The following VWA2 variants were observed in gnomAD, a reference collection of about 807,000 sequenced individuals.
VWA2 encodes the protein von Willebrand factor A domain-containing protein 2.
VWA2 carries 73 observed loss-of-function variants against 70.4 expected under a neutral mutation model. The observed-to-expected ratio is 1.04, with a 90% CI of 0.86 to 1.26. The LOEUF (loss-of-function observed/expected upper bound fraction) is 1.26, where lower values mean the gene tolerates loss of function less well. Ranked by LOEUF, VWA2 falls within the 50% of genes most tolerant of loss-of-function variation. The pLI, the probability that VWA2 is intolerant of heterozygous loss-of-function variation, is 0.00. For synonymous variants in VWA2, 407 were observed against 423.3 expected (o/e 0.96, Z 0.47); for missense variants, 1,011 against 998.5 (o/e 1.01, Z -0.17).
chr10:114,281,436 G>A (rs2038107885), intron 8 of VWA2, among the ~76,000 whole-genome samples: 1 of 152,200 alleles, frequency 6.6e-6, no homozygotes, highest in Admixed American at 6.5e-5. Flanking sequence ...GTAATTATGT[G>A]ACCTCAGGGG....
chr10:114,293,502 T>C lies in VWA2; in HGVS notation c.*2265T>C, dbSNP rs547596219. 1.1e-4 allele frequency among the ~76,000 whole-genome samples: 16 copies of C among 152,340 alleles called. No individual in the cohort carries two copies. In the South Asian group the frequency reaches 3.3e-3, roughly 32 times the overall value. ...CTTTGAAACATTTTTTCCCCTTTTG[T>C]AGTGACAGTGCCACTAAATAGTTCA... On this transcript the variant is annotated 3_prime_UTR_variant, in exon 14 of 14. Coordinates refer to ENST00000392982, the MANE Select transcript of VWA2 (RefSeq NM_001272046.2).
chr10:114,273,035 G>A lies in VWA2; in HGVS notation c.566+101G>A, dbSNP rs1049711497. The A allele has an allele frequency of 5.1e-5, 51 of 999,128 alleles. No homozygotes were observed. In the Admixed American group the frequency reaches 1.5e-3, roughly 30 times the overall value. 61.9% of individuals were successfully genotyped at this position (999,128 alleles called of 1,614,324 possible). On this transcript the variant is annotated intron_variant, in intron 6 of 13. Coordinates refer to ENST00000392982, the MANE Select transcript of VWA2 (RefSeq NM_001272046.2). Reference sequence around the variant, plus strand: ...GGAGGGGACTGGAAGAGCCGTCCAGGTCCTTCCCTGGATCTGTCTTTTCCT... The same window carrying A: ...GGAGGGGACTGGAAGAGCCGTCCAGATCCTTCCCTGGATCTGTCTTTTCCT...
At position 114,266,158 on chromosome 10, in the gene VWA2, G is replaced by A. The variant is rs192156726; in HGVS notation, c.371+4863G>A. On this transcript the variant is annotated intron_variant, in intron 5 of 13. Coordinates refer to ENST00000392982, the MANE Select transcript of VWA2 (RefSeq NM_001272046.2). Reference sequence around the variant, plus strand: ...TAAAAATACAAAAAATTAGCCGGGCGTGGTGGCGGGCGCCTGTAGTCCCAG... The same window carrying A: ...TAAAAATACAAAAAATTAGCCGGGCATGGTGGCGGGCGCCTGTAGTCCCAG... Among the ~76,000 whole-genome samples, 874 of 152,046 alleles carry A rather than the reference G, an allele frequency of 5.7e-3. 8 individuals are homozygous for A. Among genetic ancestry groups the A allele is most frequent in the African/African-American group, 0.02 (832 of 41,456 alleles).
intron 8 of VWA2, chr10:114,281,348 G>A (rs1028580391): frequency 3.9e-5 from 6 of 152,288 alleles, no homozygotes; most frequent in East Asian, 1.9e-4. Flanking sequence ...CAGGAGAGGC[G>A]AGGGTGAGGC....
intron 1 of VWA2, chr10:114,246,531 AT>A (rs1389585899): frequency 6.2e-6 from 5 of 803,036 alleles, no homozygotes; most frequent in Non-Finnish European, 8.1e-6. Context: ...AAAAACGAGT[AT>A]CATGGGTTGA....
At chr10:114,288,617 G>C (rs951948340) in intron 11 of VWA2, among the ~76,000 whole-genome samples, 19 of 152,358 alleles carry the variant, frequency 1.2e-4, no homozygotes, top group African/African-American at 4.6e-4. Flanking sequence ...CAGCAGGAAG[G>C]GGGAGAGGGG....
At chr10:114,286,865 C>A (rs1196579648) in intron 11 of VWA2, among the ~76,000 whole-genome samples, 1 of 152,216 alleles carries the variant, frequency 6.6e-6, no homozygotes, top group Non-Finnish European at 1.5e-5. Context: ...GGCTCCAGAG[C>A]AGCAGCTTCC....
intron 12 of VWA2, chr10:114,289,822 A>G (rs1355786394): frequency 5.2e-6 from 2 of 386,894 alleles, no homozygotes. Context: ...TGACTTGGGC[A>G]GTGACAGAGC....
At position 114,278,781 on chromosome 10, in the gene VWA2, G is replaced by A. The variant is rs746456782; in HGVS notation, c.763G>A (p.Gly255Ser). 9 of 1,613,756 alleles carry A rather than the reference G, an allele frequency of 5.6e-6. No homozygotes were observed. In the East Asian group the frequency reaches 2.0e-4, roughly 36 times the overall value. Reference sequence around the variant, plus strand: ...GCTGGAGATGGTCCGGGAGTTCGCTGGCAATGCCCCATGCTGGAGAGGATC... The same window carrying A: ...GCTGGAGATGGTCCGGGAGTTCGCTAGCAATGCCCCATGCTGGAGAGGATC... Reference protein sequence around the residue: ...RTLEMVREFAGNAPCWRGSRR... With the variant: ...RTLEMVREFASNAPCWRGSRR... Residue 255 changes from glycine (G) to serine (S), a missense_variant, in exon 8 of 14, where the codon GGC becomes AGC. Gly to Ser is a moderately conservative substitution (Grantham distance 56). Transcript: ENST00000392982.
At chr10:114,274,220 T>C (rs1263949400) in intron 6 of VWA2, among the ~76,000 whole-genome samples, 1 of 152,106 alleles carries the variant, frequency 6.6e-6, no homozygotes, top group African/African-American at 2.4e-5. Flanking sequence ...CACAGAGACT[T>C]GGTGGGCATG....
intron 4 of VWA2, among the ~76,000 whole-genome samples, chr10:114,255,642 C>G (rs562206602): frequency 1.3e-5 from 2 of 152,364 alleles, no homozygotes; most frequent in South Asian, 4.1e-4. Flanking sequence ...CTCCTACCCT[C>G]TCTTGCACTT....
rs564837363 is a variant in VWA2 at position 114,271,637 on chromosome 10, A to G, written c.372-1103A>G. On this transcript the variant is annotated intron_variant, in intron 5 of 13. Transcript: ENST00000392982. The stretch of plus-strand genomic sequence containing the variant: ...CACACACACACACACACACACACAC[A>G]CACACAGCAGGTAATGCCCATGCGT... Among the ~76,000 whole-genome samples the G allele has an allele frequency of 4.4e-3, 667 of 152,166 alleles. 10 individuals carry two copies. Among genetic ancestry groups the G allele is most frequent in the Non-Finnish European group, 5.4e-3 (368 of 67,992 alleles).
chr10:114,284,519 G>A (rs141851231), intron 9 of VWA2, among the ~76,000 whole-genome samples: 1 of 152,290 alleles, frequency 6.6e-6, no homozygotes, highest in African/African-American at 2.4e-5. Flanking sequence ...GAACTTAGAA[G>A]ACAGGGCCCC....
chr10:114,268,992 G>C (rs1194421719), intron 5 of VWA2, among the ~76,000 whole-genome samples: 1 of 151,656 alleles, frequency 6.6e-6, no homozygotes, highest in African/African-American at 2.4e-5. Flanking sequence ...GATTACAGGC[G>C]TGAGCCACCG....
intron 8 of VWA2, 58 bp from the exon 9 acceptor site, chr10:114,282,458 T>C: frequency 1.4e-6 from 2 of 1,379,602 alleles, no homozygotes; most frequent in Non-Finnish European, 2.1e-6. Flanking sequence ...CATCTTCTGT[T>C]TTCTGCCCTC....
Position 114,289,249 on chromosome 10 carries a change from GC to G in VWA2, c.1885del (p.Arg629GlyfsTer27), listed in dbSNP as rs776027827. 9 of 1,613,980 alleles carry G rather than the reference GC, an allele frequency of 5.6e-6. No homozygotes were observed. The highest frequency in any genetic ancestry group is 7.6e-6 in the Non-Finnish European group (9 of 1,179,996). On this transcript the variant is annotated frameshift_variant, in exon 12 of 14. Coordinates refer to ENST00000392982, the MANE Select transcript of VWA2 (RefSeq NM_001272046.2). LOFTEE classifies it high-confidence loss of function. ...CAAAGTGATGACCGTCCAGAGGGGT[GC>G]CCGGCCTGGTGTCCCCAAAGCTGTG... ...YDKVMTVQRG[A>X]RPGVPKAVVV...
At chr10:114,271,604 T>TAA (rs1589759307) in intron 5 of VWA2, among the ~76,000 whole-genome samples, 2 of 130,858 alleles carry the variant, frequency 1.5e-5, no homozygotes, top group African/African-American at 3.3e-5. Context: ...GCATGAGAAG[T>TAA]AAAAACACAC....
chr10:114,260,564 C>T (rs866872868), intron 4 of VWA2, among the ~76,000 whole-genome samples: 3 of 152,142 alleles, frequency 2.0e-5, no homozygotes, highest in Non-Finnish European at 2.9e-5. Flanking sequence ...CTATGGTTAG[C>T]TTCTGCGGCA....
chr10:114,286,453 G>T lies in VWA2; in HGVS notation c.1512G>T (p.Gln504His). The T allele has an allele frequency of 6.2e-7, 1 of 1,610,186 alleles. No individual in the cohort carries two copies. Residue 504 changes from glutamine to histidine, a missense_variant, in exon 11 of 14, where the codon CAG (glutamine) becomes CAT (histidine). Transcript: ENST00000392982. ...PKHVMVYSDP[Q>H]DLFNQIPELQ... The stretch of plus-strand genomic sequence containing the variant: ...ATGTGATGGTCTACTCGGATCCTCA[G>T]GATCTGTTCAACCAAATCCCTGAGC...
Sources: gnomAD v4.1 joint callset for allele counts (sites outside exome capture counted in the v4.1 genomes callset) on GRCh38, gnomAD v4.1.1 for gene constraint, MANE v1.5 for transcripts, NCBI Gene and HGNC (gene_info 2026-07-23, HGNC 2026-07-21) for gene names.